USF2: variants seen among roughly 807,000 people sequenced by gnomAD.
USF2 encodes upstream stimulatory factor 2.
USF2 carries 16 observed loss-of-function variants against 46.9 expected under a neutral mutation model. That is an observed-to-expected ratio of 0.34 (90% CI 0.23 to 0.52). USF2 has a LOEUF of 0.52. Ranked by LOEUF, USF2 falls within the 20% of genes least tolerant of loss-of-function variation. The pLI is 0.96. For missense variants in USF2, 411 were observed against 474.0 expected (o/e 0.87, Z 1.23); for synonymous variants, 239 against 194.1 (o/e 1.23, Z -1.92).
rs1189310003 is a variant in USF2, at chr19:35,271,224, G to GA, written c.727+84dup. 6 of 1,546,932 alleles carry GA rather than the reference G, an allele frequency of 3.9e-6. No homozygotes were observed. The African/African-American group carries it at 5.5e-5, about 14-fold the overall frequency. On this transcript the variant is annotated intron_variant, in intron 7 of 9. Coordinates refer to ENST00000222305, the MANE Select transcript of USF2 (RefSeq NM_003367.4). Reference sequence around the variant, plus strand: ...GCCCTGGAGTGTGGAGTGACAGAGAGAGAAGCCACTCCTGGGCAGGCCACA... The same window carrying GA: ...GCCCTGGAGTGTGGAGTGACAGAGAGAAGAAGCCACTCCTGGGCAGGCCACA...
At chr19:35,278,547 T>C (rs1319922667) in intron 7 of USF2, 151 bp from the exon 8 acceptor site, 2 of 755,716 alleles carry the variant, frequency 2.6e-6, no homozygotes, top group Non-Finnish European at 4.3e-6. Context: ...CCGGCTGGGC[T>C]CAGGGTGCGG....
intron 4 of USF2, 194 bp from the exon 5 acceptor site, chr19:35,270,253 T>A (rs1045297084): frequency 2.1e-6 from 2 of 952,724 alleles, no homozygotes; most frequent in African/African-American, 3.3e-5. Context: ...CGAAACGGAT[T>A]TGCTCAGCAA....
At chr19:35,271,324 T>C (rs2066153457) in intron 7 of USF2, among the ~76,000 whole-genome samples, 183 bp downstream of exon 7, 3 of 152,150 alleles carry the variant, frequency 2.0e-5, no homozygotes, top group African/African-American at 4.8e-5. Context: ...GTGTCAGAAG[T>C]AGAGGGACAG....
intron 7 of USF2, among the ~76,000 whole-genome samples, chr19:35,272,019 G>C (rs915395517): frequency 6.6e-6 from 1 of 152,146 alleles, no homozygotes; most frequent in Non-Finnish European, 1.5e-5. Flanking sequence ...AGGGAAGATC[G>C]GGAAGGCCTC....
chr19:35,270,770 G>A lies in USF2; in HGVS notation c.633G>A (p.Gln211=), dbSNP rs1267049593. 2 of 1,614,114 alleles carry A rather than the reference G, an allele frequency of 1.2e-6. No homozygotes were observed. Among genetic ancestry groups the A allele is most frequent in the Non-Finnish European group, 1.7e-6 (2 of 1,180,020 alleles). The change falls in exon 6 of 10, where the codon CAG becomes CAA. Residue 211 remains glutamine (Q), a synonymous_variant. Coordinates refer to ENST00000222305, the MANE Select transcript of USF2 (RefSeq NM_003367.4). ...AGGATGTGCTTCAGACAGGAACACA[G>A]AGGACGATCGCCCCCCGGACACACC... ...TPQDVLQTGT[Q]RTIAPRTHPY...
intron 7 of USF2, among the ~76,000 whole-genome samples, chr19:35,274,612 G>A (rs950501674): frequency 4.6e-5 from 7 of 152,136 alleles, no homozygotes; most frequent in Non-Finnish European, 8.8e-5. Context: ...GACCATCCTA[G>A]GCAATGTGAC....
chr19:35,276,451 A>G (rs1396757840), intron 7 of USF2, among the ~76,000 whole-genome samples: 2 of 152,156 alleles, frequency 1.3e-5, no homozygotes, highest in East Asian at 3.9e-4. Flanking sequence ...TGTATTTCAA[A>G]TGTGCCATGA....
chr19:35,277,201 GATAGTA>G (rs1383198829), intron 7 of USF2: 1 of 152,418 alleles, frequency 6.6e-6, no homozygotes, highest in East Asian at 1.9e-4. Context: ...AGCGCACCGC[GATAGTA>G]ATAGGGGAGC....
intron 7 of USF2, among the ~76,000 whole-genome samples, chr19:35,271,694 CAGT>C (rs2066159328): frequency 6.6e-6 from 1 of 152,366 alleles, no homozygotes; most frequent in African/African-American, 2.4e-5. Flanking sequence ...CCCCGCCTGT[CAGT>C]AGCCACTGCA....
chr19:35,269,375 G>A, intron 1 of USF2, 71 bp from the exon 2 acceptor site: 1 of 1,269,094 alleles, frequency 7.9e-7, no homozygotes, highest in East Asian at 3.6e-5. Context: ...CTGGGGCCCT[G>A]CAGCTGGGCG....
Position 35,278,724 on chromosome 19 carries a change from A to C in USF2, c.754A>C (p.Asn252His). The C allele has an allele frequency of 6.2e-7, 1 of 1,614,148 alleles. No individual in the cohort carries two copies. Among genetic ancestry groups the C allele is most frequent in the Non-Finnish European group, 8.5e-7 (1 of 1,180,018 alleles). Residue 252 changes from asparagine to histidine, a missense_variant, in exon 8 of 10, where the codon AAC becomes CAC. Physicochemically the swap from Asn to His is moderately conservative, Grantham distance 68. Coordinates refer to ENST00000222305, the MANE Select transcript of USF2 (RefSeq NM_003367.4). Reference protein sequence around the residue: ...EVERRRRDKINNWIVQLSKII... With the variant: ...EVERRRRDKIHNWIVQLSKII... ...GGAGCGGAGGCGGAGGGACAAGATC[A>C]ACAACTGGATCGTCCAGCTTTCGAA...
chr19:35,279,100 A>G (rs764820619), intron 9 of USF2, 26 bp downstream of exon 9: 6 of 1,613,106 alleles, frequency 3.7e-6, no homozygotes, highest in Middle Eastern at 3.3e-4. Flanking sequence ...GGAGCGGGTC[A>G]GGGCCCAGGA....
chr19:35,270,065 C>T, intron 4 of USF2, 62 bp downstream of exon 4: 1 of 1,347,560 alleles, frequency 7.4e-7, no homozygotes, highest in Non-Finnish European at 9.5e-7. Context: ...ACTGGCTCTG[C>T]TCTTGGGGAG....
intron 6 of USF2, 47 bp from the exon 7 acceptor site, chr19:35,271,036 C>T (rs752958516): frequency 2.5e-6 from 4 of 1,605,612 alleles, no homozygotes; most frequent in African/African-American, 2.7e-5. Flanking sequence ...CTTGGGCAAA[C>T]AGCTCTGCGA....
Position 35,279,445 on chromosome 19 carries a change from AAACGGT to A in USF2, c.*191_*196del, listed in dbSNP as rs1200065391. On this transcript the variant is annotated 3_prime_UTR_variant, in exon 10 of 10. Transcript: ENST00000222305. ...GTGCCCACCGCCCTCCTCCACTTGG[AAACGGT>A]ATCCTCCCTGCCCATCCGTCTGTCT... The A allele has an allele frequency of 3.2e-6, 2 of 620,928 alleles. No individual in the cohort carries two copies. The highest frequency in any genetic ancestry group is 2.6e-6 in the Non-Finnish European group (1 of 387,362). 38.5% of individuals were successfully genotyped at this position (620,928 alleles called of 1,614,324 possible). A position where few individuals can be genotyped will look rare whatever the true frequency, so the allele number is the denominator to read the frequency against.
chr19:35,274,440 G>A (rs562250807), intron 7 of USF2, among the ~76,000 whole-genome samples: 1 of 152,282 alleles, frequency 6.6e-6, no homozygotes, highest in South Asian at 2.1e-4. Context: ...TTATCCCAGA[G>A]TCACAGACTC....
intron 5 of USF2, 30 bp from the exon 6 acceptor site, chr19:35,270,688 C>A (rs767909683): frequency 1.2e-6 from 2 of 1,613,572 alleles, no homozygotes; most frequent in Non-Finnish European, 1.7e-6. Flanking sequence ...TTCACCCTGC[C>A]TTGCCACTAA....
At position 35,271,071 on chromosome 19, in the gene USF2, C is replaced by A. The variant is rs541362501; in HGVS notation, c.669-12C>A. On this transcript the variant is annotated splice_polypyrimidine_tract_variant and intron_variant, in intron 6 of 9. Transcript: ENST00000222305. ...ATAATACATGCCCCCTTTTTTTTTC[C>A]TCCTCTTGTAGAAAAATTGATGGAA... The A allele has an allele frequency of 6.2e-7, 1 of 1,600,736 alleles. No individual in the cohort carries two copies. The highest frequency in any genetic ancestry group is 1.1e-5 in the South Asian group (1 of 88,646).
chr19:35,272,159 C>T (rs915343441), intron 7 of USF2, among the ~76,000 whole-genome samples: 15 of 152,288 alleles, frequency 9.8e-5, no homozygotes, highest in Non-Finnish European at 1.6e-4. Context: ...GTGCATACTA[C>T]GACCAGCCCC....
Sources: gnomAD v4.1 joint callset for allele counts (sites outside exome capture counted in the v4.1 genomes callset) on GRCh38, gnomAD v4.1.1 for gene constraint, MANE v1.5 for transcripts, NCBI Gene and HGNC (gene_info 2026-07-23, HGNC 2026-07-21) for gene names.